Variants in TUBB3 observed in about 807,000 individuals in gnomAD.
TUBB3 encodes the protein tubulin beta 3 class III.
Under a neutral mutation model 37.8 loss-of-function variants are expected in TUBB3, and 17 were observed. That is an observed-to-expected ratio of 0.45 (90% CI 0.31 to 0.67). The LOEUF (loss-of-function observed/expected upper bound fraction) is 0.67, where lower values mean the gene tolerates loss of function less well. Ranked by LOEUF, TUBB3 falls within the 30% of genes least tolerant of loss-of-function variation. The pLI, the probability that TUBB3 is intolerant of heterozygous loss-of-function variation, is 0.07. For synonymous variants in TUBB3, 332 were observed against 278.9 expected (o/e 1.19, Z -1.90); for missense variants, 262 against 657.9 (o/e 0.40, Z 6.58).
chr16:89,929,228 G>A (rs1204032953), intron 1 of TUBB3, among the ~76,000 whole-genome samples: 3 of 152,314 alleles, frequency 2.0e-5, no homozygotes, highest in Admixed American at 2.0e-4. Context: ...CTCCCAAAGT[G>A]CTGGGATTAT....
chr16:89,929,415 C>T (rs1272709512), intron 1 of TUBB3, among the ~76,000 whole-genome samples: 1 of 152,236 alleles, frequency 6.6e-6, no homozygotes, highest in Non-Finnish European at 1.5e-5. Flanking sequence ...CCTCTGATAA[C>T]AGTCTCAGGG....
chr16:89,935,964 T>A lies in TUBB3; in HGVS notation c.*160T>A. On this transcript the variant is annotated 3_prime_UTR_variant, in exon 4 of 4. Transcript: ENST00000315491. ...TATTTATGGCCTCGTCCTCCCCACC[T>A]AGGCCACGTGTGAGCTGCTCCTGTC... 1 of 860,732 alleles carries A rather than the reference T, an allele frequency of 1.2e-6. No individual in the cohort carries two copies. The highest frequency in any genetic ancestry group is 1.8e-6 in the Non-Finnish European group (1 of 565,102). The allele number at this position is 860,732 out of a possible 1,614,324, so 53.3% of individuals were successfully genotyped here.
At chr16:89,926,581 T>C (rs2030094414) in intron 1 of TUBB3, among the ~76,000 whole-genome samples, 1 of 152,244 alleles carries the variant, frequency 6.6e-6, no homozygotes, top group African/African-American at 2.4e-5. Flanking sequence ...CAGGTTTTTG[T>C]TTTTGGTTAT....
intron 2 of TUBB3, 173 bp from the exon 3 acceptor site, chr16:89,933,295 T>C (rs1315592615): frequency 2.7e-6 from 2 of 745,430 alleles, no homozygotes; most frequent in Non-Finnish European, 4.9e-6. Context: ...ACAGTGAGGC[T>C]TAAGGGTGAA....
rs553247888 is a variant in TUBB3, at chr16:89,927,748, G to T, written c.57+4290G>T. Among the ~76,000 whole-genome samples, 3 of 152,348 alleles carry T rather than the reference G, an allele frequency of 2.0e-5. No homozygotes were observed. The South Asian group carries it at 6.2e-4, about 32-fold the overall frequency. On this transcript the variant is annotated intron_variant, in intron 1 of 3. Coordinates refer to ENST00000315491, the MANE Select transcript of TUBB3 (RefSeq NM_006086.4). ...TCACAGATGAGAAAACAGGTCCTGC[G>T]AGGCACGCGCCTGGCCCACAGCTGT...
intron 1 of TUBB3, among the ~76,000 whole-genome samples, chr16:89,931,060 T>C (rs1044215831): frequency 5.9e-5 from 9 of 151,834 alleles, no homozygotes; most frequent in Non-Finnish European, 2.9e-5. Context: ...ATCTCCTGAC[T>C]TCGTGATCCA....
intron 1 of TUBB3, among the ~76,000 whole-genome samples, chr16:89,924,619 A>G (rs1044601643): frequency 1.3e-5 from 2 of 152,064 alleles, no homozygotes; most frequent in Admixed American, 1.3e-4. Context: ...CATGGAAACC[A>G]GGCAGGAACA....
intron 1 of TUBB3, among the ~76,000 whole-genome samples, chr16:89,928,324 G>A (rs1041178247): frequency 1.3e-5 from 2 of 151,746 alleles, no homozygotes; most frequent in African/African-American, 4.8e-5. Context: ...CCAAACTGCT[G>A]GGATTATAAA....
rs557784797 is a variant in TUBB3, at chr16:89,932,033, C to T, written c.58-538C>T. 1.7e-3 allele frequency: 484 copies of T among 279,620 alleles called. 13 individuals carry two copies. Among genetic ancestry groups the T allele is most frequent in the South Asian group, 0.016 (469 of 30,006 alleles). The allele number at this position is 279,620 out of a possible 1,614,324, so 17.3% of individuals were successfully genotyped here. On this transcript the variant is annotated intron_variant, in intron 1 of 3. Transcript: ENST00000315491. Reference sequence around the variant, plus strand: ...TGGCTCTCAGAGTCCCTGTGAGTCCCGTCAGCTGAGGCCAGTAATGTCCTG... The same window carrying T: ...TGGCTCTCAGAGTCCCTGTGAGTCCTGTCAGCTGAGGCCAGTAATGTCCTG...
intron 1 of TUBB3, among the ~76,000 whole-genome samples, chr16:89,930,055 CCTT>C (rs2030228351): frequency 1.8e-5 from 2 of 108,784 alleles, no homozygotes; most frequent in Admixed American, 1.0e-4. Flanking sequence ...TTCCTTCCTT[CCTT>C]CCTCTCTCTC....
chr16:89,930,218 C>T (rs527904127), intron 1 of TUBB3, among the ~76,000 whole-genome samples: 1 of 151,778 alleles, frequency 6.6e-6, no homozygotes, highest in South Asian at 2.1e-4. Context: ...AATTCTCCTG[C>T]CTCAGCCTCT....
chr16:89,922,711 T>C (rs1208065080), upstream of TUBB3: 4 of 152,108 alleles, frequency 2.6e-5, no homozygotes, highest in Non-Finnish European at 4.4e-5. Flanking sequence ...GGAGGTCGGG[T>C]GCCCACCCCC....
At chr16:89,933,332 C>T in intron 2 of TUBB3, 136 bp from the exon 3 acceptor site, 4 of 829,148 alleles carry the variant, frequency 4.8e-6, no homozygotes, top group Non-Finnish European at 8.5e-6. Flanking sequence ...TGCCTTTGGT[C>T]CAGGACTCTG....
chr16:89,927,957 C>T (rs1195163283), intron 1 of TUBB3, among the ~76,000 whole-genome samples: 1 of 152,206 alleles, frequency 6.6e-6, no homozygotes, highest in Non-Finnish European at 1.5e-5. Flanking sequence ...AGGTCCCCGA[C>T]TCAAGTGGAC....
chr16:89,927,478 TA>T (rs754963199), intron 1 of TUBB3, among the ~76,000 whole-genome samples: 1 of 152,114 alleles, frequency 6.6e-6, no homozygotes, highest in Non-Finnish European at 1.5e-5. Context: ...TTCTCCTGGT[TA>T]AAAAAAACCT....
At chr16:89,933,435 G>A in intron 2 of TUBB3, 33 bp from the exon 3 acceptor site, 9 of 1,546,084 alleles carry the variant, frequency 5.8e-6, no homozygotes, top group Non-Finnish European at 8.0e-6. Context: ...GGCCCTCTGT[G>A]ACCCGAATCA....
intron 1 of TUBB3, chr16:89,932,252 C>A: frequency 4.5e-6 from 2 of 445,588 alleles, no homozygotes; most frequent in Admixed American, 3.5e-5. Context: ...TTACCAATGC[C>A]CTTCATGGAG....
At chr16:89,930,396 C>T (rs576146586) in intron 1 of TUBB3, among the ~76,000 whole-genome samples, 25 of 152,024 alleles carry the variant, frequency 1.6e-4, no homozygotes, top group Non-Finnish European at 2.9e-4. Flanking sequence ...AGCCACCGTG[C>T]CCAGCTATGA....
chr16:89,924,083 C>T (rs1436945506), intron 1 of TUBB3, among the ~76,000 whole-genome samples: 1 of 152,242 alleles, frequency 6.6e-6, no homozygotes, highest in Admixed American at 6.5e-5. Context: ...GGGCAACCCC[C>T]GCGGGGCTTG....
Sources: gnomAD v4.1 joint callset for allele counts (sites outside exome capture counted in the v4.1 genomes callset) on GRCh38, gnomAD v4.1.1 for gene constraint, MANE v1.5 for transcripts, NCBI Gene and HGNC (gene_info 2026-07-23, HGNC 2026-07-21) for gene names.